The following STKLD1 variants were observed in gnomAD, a reference collection of about 807,000 sequenced individuals.
STKLD1 encodes serine/threonine kinase like domain containing 1, also known as serine/threonine kinase-like domain-containing protein STKLD1.
In STKLD1, 79 loss-of-function variants were observed where a neutral mutation model predicts 80.4. That is an observed-to-expected ratio of 0.98 (90% CI 0.82 to 1.19). STKLD1 has a LOEUF of 1.19. Among genes scored for constraint, STKLD1 ranks in the 50% most tolerant of loss-of-function variants. The pLI, the probability that STKLD1 is intolerant of heterozygous loss-of-function variation, is 0.00. For missense variants in STKLD1, 841 were observed against 856.0 expected (o/e 0.98, Z 0.22); for synonymous variants, 393 against 357.6 (o/e 1.10, Z -1.12).
intron 1 of STKLD1, among the ~76,000 whole-genome samples, chr9:133,378,738 T>G (rs939154740): frequency 2.0e-5 from 3 of 152,230 alleles, no homozygotes; most frequent in Admixed American, 6.5e-5. Flanking sequence ...AAGCCCTTTT[T>G]CTCTGGGAGG....
intron 2 of STKLD1, among the ~76,000 whole-genome samples, chr9:133,382,922 G>T (rs972748832): frequency 6.6e-6 from 1 of 150,542 alleles, no homozygotes; most frequent in Admixed American, 6.6e-5. Context: ...TGATGATGGG[G>T]ATAATAGTGG....
intron 4 of STKLD1, among the ~76,000 whole-genome samples, chr9:133,386,533 C>A (rs953082026): frequency 2.6e-5 from 4 of 152,256 alleles, no homozygotes; most frequent in African/African-American, 9.6e-5. Context: ...TCCGTCATCA[C>A]GTGCCAGGAG....
chr9:133,392,719 GTGGA>G (rs1204358602), intron 7 of STKLD1, among the ~76,000 whole-genome samples: 23 of 88,424 alleles, frequency 2.6e-4, no homozygotes, highest in African/African-American at 7.6e-4. Context: ...GGATGGATGA[GTGGA>G]TGGATGGATG....
chr9:133,382,959 T>C (rs1838176404), intron 2 of STKLD1, among the ~76,000 whole-genome samples: 3 of 145,768 alleles, frequency 2.1e-5, no homozygotes, highest in African/African-American at 8.0e-5. Flanking sequence ...GTTGATGGTG[T>C]GATGGTGGTG....
intron 11 of STKLD1, among the ~76,000 whole-genome samples, chr9:133,399,644 G>T (rs973600103): frequency 6.6e-6 from 1 of 152,194 alleles, no homozygotes; most frequent in African/African-American, 2.4e-5. Context: ...GGGAGGGGCT[G>T]AGGTGGGCAG....
In STKLD1 at chr9:133,389,953, G is replaced by A. The variant is rs2130285461; in HGVS notation, c.467+357G>A. On this transcript the variant is annotated intron_variant, in intron 6 of 17. Transcript: ENST00000371957. This position sits in a 1 kb window ranked among gnomAD's most constrained non-coding sequence, Gnocchi z 6.4. ...CCCTGCTGAGCCTTTGACCCCCAGC[G>A]GCACAACTTTCAGGCTGGAGAATCC... 7.9e-5 allele frequency among the ~76,000 whole-genome samples: 12 copies of A among 152,280 alleles called. No individual in the cohort carries two copies. Among genetic ancestry groups the A allele is most frequent in the East Asian group, 5.8e-4 (3 of 5,178 alleles).
In STKLD1 at chr9:133,403,439, A is replaced by G. The variant is rs587722932; in HGVS notation, c.1475-261A>G. The stretch of plus-strand genomic sequence containing the variant: ...CCTCTCCTCTAGACCCCATCTTGGC[A>G]CTCCAGCGCCCCAGGAAAAAGAGAG... On this transcript the variant is annotated intron_variant, in intron 14 of 17. Coordinates refer to ENST00000371957, the MANE Select transcript of STKLD1 (RefSeq NM_153710.5). 3.3e-5 allele frequency among the ~76,000 whole-genome samples: 5 copies of G among 151,910 alleles called. No homozygotes were observed. In the East Asian group the frequency reaches 9.7e-4, roughly 30 times the overall value.
intron 5 of STKLD1, among the ~76,000 whole-genome samples, chr9:133,388,287 C>T (rs1036670360): frequency 3.3e-5 from 5 of 152,102 alleles, no homozygotes; most frequent in Admixed American, 1.3e-4. Context: ...CTCACTCTGT[C>T]GCCCAGGCTG....
In STKLD1 at chr9:133,399,137, A is replaced by C. The variant is rs587730562; in HGVS notation, c.1081+1082A>C. ...CCAAAGTGTTGGGATTACAGGCGTG[A>C]GACACCGTGCTCGGCCAATTTTTAA... On this transcript the variant is annotated intron_variant, in intron 11 of 17. Transcript: ENST00000371957. 1.5e-3 allele frequency among the ~76,000 whole-genome samples: 223 copies of C among 152,356 alleles called. 1 individual carries two copies. Among genetic ancestry groups the C allele is most frequent in the Non-Finnish European group, 1.2e-3 (81 of 68,032 alleles).
chr9:133,382,188 T>C (rs2130267833), intron 2 of STKLD1, among the ~76,000 whole-genome samples: 14 of 152,108 alleles, frequency 9.2e-5, no homozygotes, highest in Non-Finnish European at 1.5e-4. Flanking sequence ...ACCTTCCCCA[T>C]GTGGGTAAGG....
In STKLD1 at chr9:133,384,841, A is replaced by C. The variant is rs1838229287; in HGVS notation, c.220-776A>C. On this transcript the variant is annotated intron_variant, in intron 3 of 17. Coordinates refer to ENST00000371957, the MANE Select transcript of STKLD1 (RefSeq NM_153710.5). The surrounding 1 kb of genome is among the most constrained non-coding windows in gnomAD (Gnocchi z 4.3). ...TTCGGTTTGATTGGCAAAGCCTCCG[A>C]GTAGCCTTTCTTTGTGTTTCTTGAA... The C allele has an allele frequency of 6.6e-6, 1 of 152,236 alleles. No individual in the cohort carries two copies. Among genetic ancestry groups the C allele is most frequent in the Non-Finnish European group, 1.5e-5 (1 of 68,042 alleles). The allele number at this position is 152,236 out of a possible 1,614,324, so 9.4% of individuals were successfully genotyped here. A position where few individuals can be genotyped will look rare whatever the true frequency, so the allele number is the denominator to read the frequency against.
chr9:133,382,240 T>C (rs1401466184), intron 2 of STKLD1, among the ~76,000 whole-genome samples: 1 of 152,238 alleles, frequency 6.6e-6, no homozygotes, highest in Non-Finnish European at 1.5e-5. Flanking sequence ...CAGAACAAGA[T>C]GTTCCTGTTT....
Position 133,400,510 on chromosome 9 carries a change from G to A in STKLD1, c.1179G>A (p.Leu393=). 3 of 1,613,002 alleles carry A rather than the reference G, an allele frequency of 1.9e-6. No homozygotes were observed. The highest frequency in any genetic ancestry group is 2.5e-6 in the Non-Finnish European group (3 of 1,179,920). ...LDVQLCACSL[L]LHLLGQALVH... is the part of the protein sequence containing the mutation. Reference sequence around the variant, plus strand: ...TCCAGCTGTGTGCCTGCTCCCTGCTGCTGCACCTCCTGGGCCAAGGTGGGT... The same window carrying A: ...TCCAGCTGTGTGCCTGCTCCCTGCTACTGCACCTCCTGGGCCAAGGTGGGT... The change falls in exon 12 of 18, where the codon CTG becomes CTA. Residue 393 remains leucine (L), a synonymous_variant. Transcript: ENST00000371957.
intron 13 of STKLD1, 145 bp downstream of exon 13, chr9:133,402,023 CTTCATTT>C: frequency 1.0e-6 from 1 of 1,004,600 alleles, no homozygotes; most frequent in Non-Finnish European, 1.4e-6. Context: ...ATTTGGCCGT[CTTCATTT>C]GGCCACCCCA....
At position 133,396,756 on chromosome 9, in the gene STKLD1, T is replaced by TA. The variant is rs762781512; in HGVS notation, c.867-399dup. Among the ~76,000 whole-genome samples, 775 of 151,014 alleles carry TA rather than the reference T, an allele frequency of 5.1e-3. 7 individuals carry two copies. Among genetic ancestry groups the TA allele is most frequent in the Non-Finnish European group, 7.7e-3 (518 of 67,688 alleles). On this transcript the variant is annotated intron_variant, in intron 9 of 17. Coordinates refer to ENST00000371957, the MANE Select transcript of STKLD1 (RefSeq NM_153710.5). ...TAGGTGACAAGAGTGAAACTCCATC[T>TA]AAAAAAAAACCCAAACAAAACAAAA...
At position 133,394,650 on chromosome 9, in the gene STKLD1, C is replaced by A. The variant is rs1213462011; in HGVS notation, c.702+241C>A. ...GTGGTAATATTCAGACCATCCCACG[C>A]GACCCTCGCAGCAGCCCTCCAGGTG... On this transcript the variant is annotated intron_variant, in intron 8 of 17. Coordinates refer to ENST00000371957, the MANE Select transcript of STKLD1 (RefSeq NM_153710.5). The surrounding 1 kb of genome is among the most constrained non-coding windows in gnomAD (Gnocchi z 4.9). The A allele has an allele frequency of 2.0e-6, 1 of 504,094 alleles. No homozygotes were observed. Among genetic ancestry groups the A allele is most frequent in the African/African-American group, 1.9e-5 (1 of 52,516 alleles). 31.2% of individuals were successfully genotyped at this position (504,094 alleles called of 1,614,324 possible). A position where few individuals can be genotyped will look rare whatever the true frequency, so the allele number is the denominator to read the frequency against.
Position 133,400,547 on chromosome 9 carries a change from C to T in STKLD1, c.1198+18C>T. 1 of 1,584,888 alleles carries T rather than the reference C, an allele frequency of 6.3e-7. No homozygotes were observed. The highest frequency in any genetic ancestry group is 8.6e-7 in the Non-Finnish European group (1 of 1,156,454). On this transcript the variant is annotated intron_variant, in intron 12 of 17. Coordinates refer to ENST00000371957, the MANE Select transcript of STKLD1 (RefSeq NM_153710.5). The stretch of plus-strand genomic sequence containing the variant: ...GGGCCAAGGTGGGTGCCAAACCAGG[C>T]CAGATGGGGTCGGGGAGGCTGTGCG...
At chr9:133,395,813 A>C (rs1838545697) in intron 9 of STKLD1, 50 bp downstream of exon 9, 2 of 1,581,382 alleles carry the variant, frequency 1.3e-6, no homozygotes, top group Non-Finnish European at 1.7e-6. Flanking sequence ...ATCTTTCAAC[A>C]TCTCTCCACC....
intron 11 of STKLD1, among the ~76,000 whole-genome samples, chr9:133,398,833 G>GT (rs11289674): frequency 0.33 from 49,755 of 151,326 alleles, 9,103 homozygotes; most frequent in South Asian, 0.46. Flanking sequence ...GGGAAAAGCA[G>GT]TTTTTTTTTG....
Sources: gnomAD v4.1 joint callset for allele counts (sites outside exome capture counted in the v4.1 genomes callset) on GRCh38, gnomAD v4.1.1 for gene constraint, Gnocchi (gnomAD v3.1) non-coding constraint, MANE v1.5 for transcripts, NCBI Gene and HGNC (gene_info 2026-07-23, HGNC 2026-07-21) for gene names.